The following DNAH17 variants were observed in gnomAD, a reference collection of about 807,000 sequenced individuals.
The protein encoded by DNAH17 is axonemal beta dynein heavy chain 17.
In DNAH17, 376 loss-of-function variants were observed where a neutral mutation model predicts 485.6. The observed-to-expected ratio is 0.77, with a 90% CI of 0.71 to 0.84. The LOEUF (loss-of-function observed/expected upper bound fraction) is 0.84, where lower values mean the gene tolerates loss of function less well. DNAH17 is among the 40% of genes least tolerant of loss of function. The pLI is 0.00. For missense variants in DNAH17, 6,370 were observed against 5,839.3 expected, an observed-to-expected ratio of 1.09 and a Z score of -2.96; for synonymous variants, 3,031 against 2,405.9, an observed-to-expected ratio of 1.26 and a Z score of -7.60.
intron 79 of DNAH17, among the ~76,000 whole-genome samples, chr17:78,425,860 G>C (rs2086432973): frequency 6.7e-6 from 1 of 149,164 alleles, no homozygotes; most frequent in South Asian, 2.1e-4. Flanking sequence ...CCGCCTCCCG[G>C]GTTCAAGCAA....
At chr17:78,533,088 G>T in intron 19 of DNAH17, 1 of 211,752 alleles carries the variant, frequency 4.7e-6, no homozygotes, top group South Asian at 9.1e-5. Flanking sequence ...AGGAACCTTT[G>T]CCGATTTGCA....
chr17:78,538,886 T>C (rs2091449325), intron 18 of DNAH17, among the ~76,000 whole-genome samples: 1 of 152,188 alleles, frequency 6.6e-6, no homozygotes, highest in Admixed American at 6.5e-5. Flanking sequence ...TGGGGGAGCC[T>C]TTGATCTTGG....
Position 78,463,890 on chromosome 17 carries a change from G to C in DNAH17, c.8941-813C>G, listed in dbSNP as rs530138557. On this transcript the variant is annotated intron_variant, in intron 56 of 80. Coordinates refer to ENST00000389840, the MANE Select transcript of DNAH17 (RefSeq NM_173628.4). ...CAGGGTATATATATATAGTGCTGGT[G>C]GTGGGGCCAATGCCTGTTTCTAGGA... Among the ~76,000 whole-genome samples, 25 of 152,284 alleles carry C rather than the reference G, an allele frequency of 1.6e-4. No individual in the cohort carries two copies. In the South Asian group the frequency reaches 3.9e-3, roughly 24 times the overall value.
intron 27 of DNAH17, among the ~76,000 whole-genome samples, chr17:78,508,212 C>A (rs1255852406): frequency 6.6e-6 from 1 of 151,740 alleles, no homozygotes; most frequent in African/African-American, 2.4e-5. Context: ...AGATGCAGGA[C>A]TCTCTCTCTG....
At chr17:78,500,177 C>T (rs2090225295) in intron 36 of DNAH17, 128 bp downstream of exon 36, 1 of 1,073,424 alleles carries the variant, frequency 9.3e-7, no homozygotes, top group Admixed American at 3.1e-5. Flanking sequence ...CCTGGCACCT[C>T]CTCTCCAGTG....
Position 78,505,300 on chromosome 17 carries a change from G to A in DNAH17, c.4949C>T (p.Ser1650Leu), listed in dbSNP as rs753098098. 2.5e-5 allele frequency: 40 copies of A among 1,613,672 alleles called. No homozygotes were observed. Among genetic ancestry groups the A allele is most frequent in the Non-Finnish European group, 3.1e-5 (37 of 1,179,808 alleles). ...GTGTGCGCACACACTCACCTGCCCC[G>A]AGAGGTCGCATTCCTGATCAAAAAC... ...YMVFDQECDL[S>L]GQVEVWLNRV... Residue 1650 changes from serine to leucine, a missense_variant, in exon 31 of 81, where the codon TCG becomes TTG. Physicochemically the swap from Ser to Leu is moderately radical, Grantham distance 145. Transcript: ENST00000389840.
At chr17:78,455,608 T>G in intron 63 of DNAH17, 36 bp downstream of exon 63, 9 of 1,469,918 alleles carry the variant, frequency 6.1e-6, no homozygotes, top group Non-Finnish European at 8.2e-6. Context: ...ATTACAGGCG[T>G]GAGCCACCGC....
At chr17:78,518,278 T>C (rs1278933276) in intron 25 of DNAH17, among the ~76,000 whole-genome samples, 3 of 152,112 alleles carry the variant, frequency 2.0e-5, no homozygotes, top group Admixed American at 6.5e-5. Context: ...TATAGGTAGC[T>C]TGAAAATTTA....
intron 19 of DNAH17, among the ~76,000 whole-genome samples, chr17:78,533,772 C>CCT (rs1267948056): frequency 6.6e-6 from 1 of 152,160 alleles, no homozygotes; most frequent in Non-Finnish European, 1.5e-5. Flanking sequence ...ACACCCTCTG[C>CCT]CTCCCAGGTT....
intron 1 of DNAH17, 34 bp from the exon 2 acceptor site, chr17:78,575,116 C>T (rs1039521577): frequency 7.3e-7 from 1 of 1,375,154 alleles, no homozygotes. Context: ...TACGAACTGT[C>T]TCCCGGGCTC....
intron 25 of DNAH17, among the ~76,000 whole-genome samples, chr17:78,516,187 G>A (rs911314283): frequency 1.2e-4 from 18 of 152,290 alleles, no homozygotes; most frequent in East Asian, 3.9e-4. Flanking sequence ...TGGCAGGTTC[G>A]AGATTACCCT....
At chr17:78,482,650 T>C (rs765215687) in intron 48 of DNAH17, among the ~76,000 whole-genome samples, 1 of 152,146 alleles carries the variant, frequency 6.6e-6, no homozygotes, top group Non-Finnish European at 1.5e-5. Flanking sequence ...ACCTCACAGC[T>C]CACCCTTTCC....
At chr17:78,442,096 T>A (rs74001331) in intron 71 of DNAH17, among the ~76,000 whole-genome samples, 3,965 of 136,308 alleles carry the variant, frequency 0.029, 171 homozygotes, top group African/African-American at 0.099. Context: ...AAAAAAAAAA[T>A]TAGTAAGATT....
At chr17:78,476,920 G>A (rs1307301596) in intron 51 of DNAH17, among the ~76,000 whole-genome samples, 187 bp from the exon 52 acceptor site, 1 of 151,394 alleles carries the variant, frequency 6.6e-6, no homozygotes, top group Non-Finnish European at 1.5e-5. Context: ...CCGGATGCCA[G>A]TGTGTGTGTG....
chr17:78,574,755 G>C lies in DNAH17; in HGVS notation c.303C>G (p.Ile101Met), dbSNP rs2092409970. ...NYRARLLYGD[I>M]SPTPVDQLIA... The stretch of plus-strand genomic sequence containing the variant: ...TCAGCTGGTCCACGGGTGTGGGGCT[G>C]ATGTCGCCGTAAAGGAGCCGGGCCC... The change falls in exon 2 of 81, where the codon ATC becomes ATG. Residue 101 changes from isoleucine to methionine, a missense_variant. Coordinates refer to ENST00000389840, the MANE Select transcript of DNAH17 (RefSeq NM_173628.4). The C allele has an allele frequency of 6.2e-7, 1 of 1,613,488 alleles. No individual in the cohort carries two copies. The highest frequency in any genetic ancestry group is 8.5e-7 in the Non-Finnish European group (1 of 1,179,586).
At chr17:78,480,273 C>T (rs927152320) in intron 49 of DNAH17, among the ~76,000 whole-genome samples, 14 of 151,734 alleles carry the variant, frequency 9.2e-5, no homozygotes, top group African/African-American at 2.9e-4. Context: ...TGCTTAAACC[C>T]GGGAAGCGGA....
chr17:78,499,074 TC>T lies in DNAH17; in HGVS notation c.5678del (p.Gly1893GlufsTer19), dbSNP rs1568158683. On this transcript the variant is annotated frameshift_variant, in exon 37 of 81. Transcript: ENST00000389840. LOFTEE classifies it high-confidence loss of function. ...GNIYKGLAQT[G>X]AWGCFDEFNR... Reference sequence around the variant, plus strand: ...TAAACTCGTCAAAGCAGCCCCAGGCTCCCGTCTGGGCCAGGCCCTTGTAGAT... The same window carrying T: ...TAAACTCGTCAAAGCAGCCCCAGGCTCCGTCTGGGCCAGGCCCTTGTAGAT... 1.9e-6 allele frequency: 3 copies of T among 1,608,648 alleles called. No individual in the cohort carries two copies. In the Admixed American group the frequency reaches 5.1e-5, roughly 27 times the overall value.
At chr17:78,530,701 CAGCCCCAGAGTCT>C (rs2091210673) in intron 20 of DNAH17, among the ~76,000 whole-genome samples, 189 bp from the exon 21 acceptor site, 1 of 152,188 alleles carries the variant, frequency 6.6e-6, no homozygotes, top group Non-Finnish European at 1.5e-5. Context: ...TTGTTCCTTC[CAGCCCCAGAGTCT>C]AGCCCCAGAA....
intron 1 of DNAH17, 95 bp downstream of exon 1, chr17:78,577,199 CT>C (rs2092445401): frequency 6.6e-6 from 1 of 152,414 alleles, no homozygotes; most frequent in African/African-American, 2.4e-5. Context: ...GGTCTGCTGT[CT>C]GCCAGGGCCT....
Sources: allele counts gnomAD v4.1 joint callset (sites outside exome capture counted in the v4.1 genomes callset), GRCh38; gene constraint gnomAD v4.1.1; transcripts MANE v1.5; gene names NCBI Gene and HGNC (gene_info 2026-07-23, HGNC 2026-07-21).